ZSCAN5A: variants seen among roughly 807,000 people sequenced by gnomAD.
ZSCAN5A encodes the protein zinc finger and SCAN domain containing 5A.
Under a neutral mutation model 23.7 loss-of-function variants are expected in ZSCAN5A, and 12 were observed. The observed-to-expected ratio is 0.51, with a 90% confidence interval of 0.32 to 0.82. The LOEUF is 0.82. Ranked by LOEUF, ZSCAN5A falls within the 40% of genes least tolerant of loss-of-function variation. The pLI is 0.03. For missense variants in ZSCAN5A, 597 were observed against 617.9 expected, an observed-to-expected ratio of 0.97 and a Z score of 0.36; for synonymous variants, 257 against 239.9, an observed-to-expected ratio of 1.07 and a Z score of -0.66.
At chr19:56,321,382 CAGAT>C in intron 2 of ZSCAN5A, 1 of 641,602 alleles carries the variant, frequency 1.6e-6, no homozygotes, top group Non-Finnish European at 2.9e-6. Context: ...AGTTGGCTGG[CAGAT>C]AGCTGCAGCA....
At chr19:56,292,451 G>GTTTTTTCTTTTTTTTTTT (rs2039574725) in intron 2 of ZSCAN5A, among the ~76,000 whole-genome samples, 1 of 144,696 alleles carries the variant, frequency 6.9e-6, no homozygotes, top group Admixed American at 6.9e-5. Flanking sequence ...TTTTTTGTCT[G>GTTTTTTCTTTTTTTTTTT]TTTTTACTTT....
chr19:56,301,955 C>G, intron 2 of ZSCAN5A: 1 of 1,232,054 alleles, frequency 8.1e-7, no homozygotes, highest in Non-Finnish European at 1.0e-6. Flanking sequence ...ATCATCTCCA[C>G]GGTTCTCTCC....
At chr19:56,265,404 CAGT>C (rs1347576724) in intron 2 of ZSCAN5A, among the ~76,000 whole-genome samples, 2 of 149,680 alleles carry the variant, frequency 1.3e-5, no homozygotes, top group African/African-American at 5.0e-5. Flanking sequence ...TGTAAGCAAG[CAGT>C]AAGGCTTGAA....
chr19:56,275,938 GC>G, intron 2 of ZSCAN5A, among the ~76,000 whole-genome samples: 1 of 152,330 alleles, frequency 6.6e-6, no homozygotes, highest in South Asian at 2.1e-4. Context: ...GGCCCGAGTA[GC>G]TTTATTGATA....
chr19:56,283,363 T>G (rs1309084925), intron 2 of ZSCAN5A: 1 of 152,182 alleles, frequency 6.6e-6, no homozygotes, highest in Non-Finnish European at 1.5e-5. Context: ...ATCTTCCTTC[T>G]TTATTGACAC....
rs148518127 is a variant in ZSCAN5A, at chr19:56,304,375, T to A, written c.-128+8908A>T. 2.3e-4 allele frequency among the ~76,000 whole-genome samples: 35 copies of A among 152,344 alleles called. 1 individual carries two copies. The East Asian group carries it at 6.2e-3, about 27-fold the overall frequency. Reference sequence around the variant, plus strand: ...TTGCCACCCAGGAGACACTCAGCAGTGTCTGGACCACAGGATTGGTTGTGA... The same window carrying A: ...TTGCCACCCAGGAGACACTCAGCAGAGTCTGGACCACAGGATTGGTTGTGA... On this transcript the variant is annotated intron_variant, in intron 2 of 5. Transcript: ENST00000683990.
At chr19:56,311,776 G>A (rs1333501257) in intron 2 of ZSCAN5A, among the ~76,000 whole-genome samples, 1 of 152,024 alleles carries the variant, frequency 6.6e-6, no homozygotes, top group African/African-American at 2.4e-5. Context: ...CATCACCTAG[G>A]TATTCAGCCC....
At chr19:56,237,390 G>C in intron 2 of ZSCAN5A, among the ~76,000 whole-genome samples, 1 of 152,144 alleles carries the variant, frequency 6.6e-6, no homozygotes, top group East Asian at 1.9e-4. Context: ...AACTACAGGA[G>C]AGAGTCAACA....
chr19:56,345,238 T>C (rs922866462), intron 2 of ZSCAN5A, among the ~76,000 whole-genome samples: 3 of 152,246 alleles, frequency 2.0e-5, no homozygotes, highest in Non-Finnish European at 4.4e-5. Context: ...AAAAAGCATT[T>C]GAGTAGTCTT....
upstream of ZSCAN5A, among the ~76,000 whole-genome samples, chr19:56,316,955 G>A (rs144105837): frequency 3.5e-4 from 53 of 152,174 alleles, no homozygotes; most frequent in East Asian, 9.1e-3. Flanking sequence ...TCCCACCTCC[G>A]CCACCTGAGT....
chr19:56,295,154 G>A (rs1303898886), intron 2 of ZSCAN5A: 1 of 152,202 alleles, frequency 6.6e-6, no homozygotes, highest in East Asian at 1.9e-4. Flanking sequence ...CACTTGATGG[G>A]TGAGTCATAA....
In ZSCAN5A at chr19:56,343,319, T is replaced by C. The variant is rs185789423; in HGVS notation, c.-358+19916A>G. 4.7e-3 allele frequency: 3,098 copies of C among 658,568 alleles called. 22 individuals are homozygous for C. The highest frequency in any genetic ancestry group is 7.6e-3 in the South Asian group (506 of 66,312). 40.8% of individuals were successfully genotyped at this position (658,568 alleles called of 1,614,324 possible). A position where few individuals can be genotyped will look rare whatever the true frequency, so the allele number is the denominator to read the frequency against. On this transcript the variant is annotated intron_variant, in intron 2 of 6. Transcript: ENST00000587340. ...TAGTTTCTGAAGACTACTGGAGTGG[T>C]GTGCAAAGTGAATACCCAAAAATGA...
chr19:56,253,867 T>C (rs1018809910), intron 2 of ZSCAN5A, among the ~76,000 whole-genome samples: 1 of 152,200 alleles, frequency 6.6e-6, no homozygotes, highest in African/African-American at 2.4e-5. Context: ...ACCCAGCTTA[T>C]GTTAAAAATT....
At chr19:56,333,361 CT>C (rs372798728) in intron 2 of ZSCAN5A, among the ~76,000 whole-genome samples, 3,307 of 149,540 alleles carry the variant, frequency 0.022, 114 homozygotes, top group African/African-American at 0.077. Context: ...TTTTTTAATT[CT>C]TTTTTTTGTT....
Position 56,244,370 on chromosome 19 carries a change from C to G in ZSCAN5A, c.-127-19197G>C, listed in dbSNP as rs2035688464. 2.5e-6 allele frequency: 4 copies of G among 1,578,110 alleles called. No individual in the cohort carries two copies. In the African/African-American group the frequency reaches 5.4e-5, roughly 21 times the overall value. On this transcript the variant is annotated intron_variant, in intron 2 of 5. Transcript: ENST00000683990. The stretch of plus-strand genomic sequence containing the variant: ...GGTCTTAGTCAAGGTGAACGGTGTG[C>G]AGAGCTGCAAAGACCTGGAGGACCT...
At chr19:56,338,607 G>A (rs1213853657) in intron 2 of ZSCAN5A, 1 of 152,236 alleles carries the variant, frequency 6.6e-6, no homozygotes, top group Non-Finnish European at 1.5e-5. Context: ...TCAAGACACA[G>A]TAGAAAACAG....
At chr19:56,288,960 T>C (rs1343863157) in intron 2 of ZSCAN5A, among the ~76,000 whole-genome samples, 6 of 152,172 alleles carry the variant, frequency 3.9e-5, no homozygotes, top group Admixed American at 3.3e-4. Flanking sequence ...TTCAAACTCC[T>C]TTAAGAAAAT....
chr19:56,322,292 A>G, intron 2 of ZSCAN5A: 1 of 1,110,696 alleles, frequency 9.0e-7, no homozygotes, highest in East Asian at 2.4e-5. Context: ...TGTCCCTTTC[A>G]CTGCCTTTTG....
intron 2 of ZSCAN5A, among the ~76,000 whole-genome samples, chr19:56,233,865 A>G (rs1433465823): frequency 6.6e-6 from 1 of 152,174 alleles, no homozygotes; most frequent in Admixed American, 6.5e-5. Flanking sequence ...CACCCTCAGA[A>G]TAACATTCAG....
Sources: allele counts gnomAD v4.1 joint callset (sites outside exome capture counted in the v4.1 genomes callset), GRCh38; gene constraint gnomAD v4.1.1; transcripts MANE v1.5; gene names NCBI Gene and HGNC (gene_info 2026-07-23, HGNC 2026-07-21).